HIVEP3: variants seen among roughly 807,000 people sequenced by gnomAD.
HIVEP3 encodes the protein HIVEP zinc finger 3.
Under a neutral mutation model 152.8 loss-of-function variants are expected in HIVEP3, and 49 were observed. The observed-to-expected ratio is 0.32, with a 90% CI of 0.26 to 0.41. The LOEUF is 0.41. HIVEP3 is among the 10% of genes least tolerant of loss of function. The pLI is 1.00. For missense variants in HIVEP3, 2,790 were observed against 3,103.3 expected, an observed-to-expected ratio of 0.90 and a Z score of 2.40; for synonymous variants, 1,269 against 1,289.0, an observed-to-expected ratio of 0.98 and a Z score of 0.33.
At chr1:42,021,471 G>A (rs1570896990) in intron 1 of HIVEP3, among the ~76,000 whole-genome samples, 2 of 152,216 alleles carry the variant, frequency 1.3e-5, no homozygotes, top group East Asian at 3.9e-4. Context: ...CAGATTTAGG[G>A]TAAGGGGGGG....
At chr1:41,752,712 C>G (rs1647186014) in intron 1 of HIVEP3, among the ~76,000 whole-genome samples, 1 of 152,228 alleles carries the variant, frequency 6.6e-6, no homozygotes, top group South Asian at 2.1e-4. Context: ...CCAGGTGATT[C>G]TGAGGCACTC....
At chr1:41,881,392 G>C (rs2124427166) in intron 1 of HIVEP3, among the ~76,000 whole-genome samples, 1 of 152,254 alleles carries the variant, frequency 6.6e-6, no homozygotes, top group South Asian at 2.1e-4. Context: ...CATGAACCCA[G>C]GCCAATCTGA....
intron 1 of HIVEP3, among the ~76,000 whole-genome samples, chr1:41,850,040 T>C (rs1643553125): frequency 1.3e-5 from 2 of 152,226 alleles, no homozygotes; most frequent in East Asian, 3.8e-4. Context: ...TCCTAAACTT[T>C]AGCATGCATC....
intron 2 of HIVEP3, among the ~76,000 whole-genome samples, chr1:41,658,937 G>C (rs1292505533): frequency 6.6e-6 from 1 of 152,202 alleles, no homozygotes; most frequent in African/African-American, 2.4e-5. Flanking sequence ...GTCCTTAGAA[G>C]TCTGACCTTT....
intron 1 of HIVEP3, among the ~76,000 whole-genome samples, chr1:41,782,046 C>G (rs574526478): frequency 1.3e-5 from 2 of 152,208 alleles, no homozygotes; most frequent in Non-Finnish European, 2.9e-5. Flanking sequence ...AAGAACAACC[C>G]AGGCGTCCAA....
intron 1 of HIVEP3, among the ~76,000 whole-genome samples, chr1:41,793,705 G>A (rs189244997): frequency 0.015 from 2,236 of 152,314 alleles, 23 homozygotes; most frequent in Non-Finnish European, 0.019. Flanking sequence ...TGTCCTGCAG[G>A]AAGGACTCAG....
intron 1 of HIVEP3, among the ~76,000 whole-genome samples, chr1:42,027,814 CCT>C (rs1331385766): frequency 2.0e-5 from 3 of 152,110 alleles, no homozygotes; most frequent in Admixed American, 6.5e-5. Context: ...AGCAGAAACC[CCT>C]GATAAACCCA....
At chr1:41,578,273 A>C (rs1264345795) in intron 4 of HIVEP3, among the ~76,000 whole-genome samples, 1 of 152,252 alleles carries the variant, frequency 6.6e-6, no homozygotes, top group Non-Finnish European at 1.5e-5. Context: ...AGGTATCCAA[A>C]AAGTTAGCAG....
intron 1 of HIVEP3, among the ~76,000 whole-genome samples, chr1:41,820,517 C>A (rs1348684401): frequency 6.6e-6 from 1 of 152,198 alleles, no homozygotes; most frequent in African/African-American, 2.4e-5. Flanking sequence ...TACATGGTCA[C>A]TTTTAAAAAA....
intron 1 of HIVEP3, among the ~76,000 whole-genome samples, chr1:41,759,706 C>T (rs2124242917): frequency 6.6e-6 from 1 of 152,302 alleles, no homozygotes; most frequent in South Asian, 2.1e-4. Context: ...CCAGTCTGTG[C>T]CTTGGAAGCC....
chr1:41,534,595 T>A (rs1375860268), intron 5 of HIVEP3, among the ~76,000 whole-genome samples: 1 of 152,168 alleles, frequency 6.6e-6, no homozygotes, highest in Admixed American at 6.5e-5. Context: ...ACAGCCCCCA[T>A]CATCCCTGCG....
At chr1:41,857,019 CT>C (rs1241987913) in intron 1 of HIVEP3, among the ~76,000 whole-genome samples, 1 of 152,202 alleles carries the variant, frequency 6.6e-6, no homozygotes, top group Non-Finnish European at 1.5e-5. Flanking sequence ...GCCAGGTTCT[CT>C]GTGGTTTCTG....
In HIVEP3 at chr1:41,588,148, G is replaced by C. The variant is rs531588463; in HGVS notation, c.-521-2830C>G. On this transcript the variant is annotated intron_variant, in intron 3 of 8. Transcript: ENST00000372583. ...TCAGACATGGTAGACATGGTTTGCA[G>C]CACAGAGAGAACTGCTCTTTGGGCT... is the stretch of plus-strand genomic sequence containing the variant. 1.2e-4 allele frequency among the ~76,000 whole-genome samples: 19 copies of C among 152,350 alleles called. No homozygotes were observed. The East Asian group carries it at 3.3e-3, about 26-fold the overall frequency.
intron 1 of HIVEP3, among the ~76,000 whole-genome samples, chr1:41,961,648 A>C (rs1645170146): frequency 6.6e-6 from 1 of 152,270 alleles, no homozygotes; most frequent in Non-Finnish European, 1.5e-5. Flanking sequence ...AATGCTCATA[A>C]CTGTACACTA....
chr1:42,004,979 G>A (rs1479813825), intron 1 of HIVEP3, among the ~76,000 whole-genome samples: 2 of 152,136 alleles, frequency 1.3e-5, no homozygotes, highest in African/African-American at 2.4e-5. Context: ...TGCTTCGAAC[G>A]GTCAATATCT....
At chr1:41,775,833 A>C (rs944175224) in intron 1 of HIVEP3, among the ~76,000 whole-genome samples, 1 of 152,140 alleles carries the variant, frequency 6.6e-6, no homozygotes, top group South Asian at 2.1e-4. Context: ...CCATGATTTC[A>C]TGGATTCACT....
intron 1 of HIVEP3, chr1:41,847,351 G>C (rs1261889855): frequency 6.6e-6 from 1 of 152,198 alleles, no homozygotes; most frequent in African/African-American, 2.4e-5. Context: ...TGTTGCTCTA[G>C]AAAGTTGTTC....
intron 1 of HIVEP3, among the ~76,000 whole-genome samples, chr1:41,960,138 A>G (rs1645161785): frequency 6.6e-6 from 1 of 152,218 alleles, no homozygotes; most frequent in African/African-American, 2.4e-5. Context: ...GTTGGGCCAG[A>G]AAGTCCACCA....
At chr1:41,824,784 T>TAG (rs397979993) in intron 1 of HIVEP3, among the ~76,000 whole-genome samples, 89 of 11,356 alleles carry the variant, frequency 7.8e-3, no homozygotes, top group South Asian at 0.01. Flanking sequence ...TATATATATA[T>TAG]AGAGAGAGAG....
Sources: allele counts gnomAD v4.1 joint callset (sites outside exome capture counted in the v4.1 genomes callset), GRCh38; gene constraint gnomAD v4.1.1; transcripts MANE v1.5; gene names NCBI Gene and HGNC (gene_info 2026-07-23, HGNC 2026-07-21).